The following COL9A1 variants were observed in gnomAD, a reference collection of about 807,000 sequenced individuals.
The protein encoded by COL9A1 is collagen alpha-1(IX) chain.
In COL9A1, 104 loss-of-function variants were observed where a neutral mutation model predicts 142.6. The observed-to-expected ratio is 0.73, with a 90% CI of 0.62 to 0.86. The LOEUF is 0.86. Ranked by LOEUF, COL9A1 falls within the 40% of genes least tolerant of loss-of-function variation. COL9A1 has a pLI of 0.00. For missense variants in COL9A1, 1,210 were observed against 1,176.6 expected (o/e 1.03, Z -0.42); for synonymous variants, 466 against 396.0 (o/e 1.18, Z -2.10).
chr6:70,228,895 G>A (rs1213749674), intron 36 of COL9A1, among the ~76,000 whole-genome samples: 1 of 152,040 alleles, frequency 6.6e-6, no homozygotes, highest in Non-Finnish European at 1.5e-5. Flanking sequence ...AATGGCATAA[G>A]CATTCTTGTT....
intron 26 of COL9A1, 67 bp from the exon 27 acceptor site, chr6:70,252,382 C>A (rs1770999769): frequency 7.1e-7 from 1 of 1,399,004 alleles, no homozygotes. Context: ...ATCTGCCTTA[C>A]CCAGACTGGG....
chr6:70,222,135 A>G (rs1768917096), intron 37 of COL9A1, among the ~76,000 whole-genome samples: 2 of 152,222 alleles, frequency 1.3e-5, no homozygotes, highest in South Asian at 2.1e-4. Context: ...TTGTCAGGAC[A>G]TGAATTTAAG....
chr6:70,236,257 G>A (rs1158160210), intron 33 of COL9A1, among the ~76,000 whole-genome samples: 2 of 151,400 alleles, frequency 1.3e-5, no homozygotes, highest in African/African-American at 4.9e-5. Context: ...ATACAAGTTA[G>A]ATTTTTTTTT....
At chr6:70,262,575 C>T (rs1433492774) in intron 19 of COL9A1, among the ~76,000 whole-genome samples, 1 of 152,166 alleles carries the variant, frequency 6.6e-6, no homozygotes, top group East Asian at 1.9e-4. Flanking sequence ...CAATGTTTAA[C>T]TAATATTCTT....
At chr6:70,275,424 TAAGTATATA>T (rs1772693275) in intron 10 of COL9A1, among the ~76,000 whole-genome samples, 1 of 152,092 alleles carries the variant, frequency 6.6e-6, no homozygotes, top group African/African-American at 2.4e-5. Context: ...TAGCTGTGAT[TAAGTATATA>T]TGTTCATGTA....
rs1262059948 is a variant in COL9A1 at position 70,263,112 on chromosome 6, T to C, written c.1395+132A>G. 1.1e-5 allele frequency: 7 copies of C among 651,632 alleles called. No homozygotes were observed. The African/African-American group carries it at 1.3e-4, about 12-fold the overall frequency. The allele number at this position is 651,632 out of a possible 1,614,324, so 40.4% of individuals were successfully genotyped here. A position where few individuals can be genotyped will look rare whatever the true frequency, so the allele number is the denominator to read the frequency against. ...AAGTAGTTATCCCCCAGTGCTGGCG[T>C]GGTGGAAAATAGAGGACACCAAGTT... On this transcript the variant is annotated intron_variant, in intron 19 of 37. Transcript: ENST00000357250.
intron 14 of COL9A1, among the ~76,000 whole-genome samples, chr6:70,271,220 C>A (rs1293676368): frequency 3.3e-5 from 5 of 152,164 alleles, no homozygotes; most frequent in African/African-American, 7.2e-5. Flanking sequence ...TTATATGAGA[C>A]ATTTTTTATG....
intron 7 of COL9A1, 68 bp downstream of exon 7, chr6:70,282,830 G>C: frequency 6.2e-7 from 1 of 1,611,514 alleles, no homozygotes; most frequent in Non-Finnish European, 8.5e-7. Context: ...CAGCTCCCTC[G>C]ACCGCTGCGC....
chr6:70,281,366 G>C, intron 8 of COL9A1, 24 bp downstream of exon 8: 3 of 1,610,234 alleles, frequency 1.9e-6, no homozygotes, highest in Non-Finnish European at 2.5e-6. Context: ...GGGGAACAGA[G>C]GTGGCCTGGA....
In COL9A1 at chr6:70,280,985, T is replaced by G; in HGVS notation, c.912+19A>C. On this transcript the variant is annotated intron_variant, in intron 9 of 37. Coordinates refer to ENST00000357250, the MANE Select transcript of COL9A1 (RefSeq NM_001851.6). ...TCTAAAGGAAGGAAGTGGAGCGCCATATGCTCCAATCAACTTACCGGGGGG... is the reference window on the plus strand; with the variant it reads ...TCTAAAGGAAGGAAGTGGAGCGCCAGATGCTCCAATCAACTTACCGGGGGG... The G allele has an allele frequency of 3.7e-6, 6 of 1,612,506 alleles. No homozygotes were observed. Among genetic ancestry groups the G allele is most frequent in the Non-Finnish European group, 5.1e-6 (6 of 1,178,788 alleles).
At chr6:70,268,707 A>C in intron 17 of COL9A1, 97 bp downstream of exon 17, 1 of 1,082,848 alleles carries the variant, frequency 9.2e-7, no homozygotes, top group East Asian at 2.4e-5. Context: ...CTGATCATCC[A>C]AGTGGGGTCT....
chr6:70,244,364 T>C (rs1055672840), intron 28 of COL9A1, among the ~76,000 whole-genome samples: 1 of 152,224 alleles, frequency 6.6e-6, no homozygotes, highest in African/African-American at 2.4e-5. Flanking sequence ...GCCCCTGTGA[T>C]AGATTCCTCT....
At chr6:70,274,162 G>A in intron 11 of COL9A1, 80 bp from the exon 12 acceptor site, 5 of 1,121,946 alleles carry the variant, frequency 4.5e-6, no homozygotes, top group South Asian at 1.5e-5. Flanking sequence ...AATATTGAAA[G>A]CATTAAAACA....
intron 24 of COL9A1, 144 bp from the exon 25 acceptor site, chr6:70,254,673 A>C: frequency 2.0e-6 from 1 of 505,154 alleles, no homozygotes. Context: ...GACTTAATTT[A>C]GGGTGGGGGA....
Position 70,279,158 on chromosome 6 carries a change from A to G in COL9A1, c.975+1654T>C, listed in dbSNP as rs1377247051. Among the ~76,000 whole-genome samples, 7 of 152,362 alleles carry G rather than the reference A, an allele frequency of 4.6e-5. No individual in the cohort carries two copies. The South Asian group carries it at 1.4e-3, about 32-fold the overall frequency. On this transcript the variant is annotated intron_variant, in intron 10 of 37. Coordinates refer to ENST00000357250, the MANE Select transcript of COL9A1 (RefSeq NM_001851.6). ...AGGCTGATTGAAATTTCAAAGGAAT[A>G]TAGAAATAAATTCAAGCTACATTAG...
rs904570500 is a variant in COL9A1, at chr6:70,257,338, C to T, written c.1450-517G>A. On this transcript the variant is annotated intron_variant, in intron 20 of 37. Transcript: ENST00000357250. ...CCTCCCAAAGTGCTGAGATTACAGG[C>T]GTGAGCCACTGCACCCAGCCCAGTC... Among the ~76,000 whole-genome samples, 3 of 152,264 alleles carry T rather than the reference C, an allele frequency of 2.0e-5. No individual in the cohort carries two copies. The East Asian group carries it at 5.8e-4, about 29-fold the overall frequency.
intron 36 of COL9A1, among the ~76,000 whole-genome samples, chr6:70,226,332 C>T (rs1769227926): frequency 6.6e-6 from 1 of 152,124 alleles, no homozygotes; most frequent in South Asian, 2.1e-4. Context: ...AACCCAAAAG[C>T]TAGCATTATG....
At chr6:70,230,416 A>G (rs1187790337) in intron 36 of COL9A1, among the ~76,000 whole-genome samples, 2 of 152,124 alleles carry the variant, frequency 1.3e-5, no homozygotes, top group Non-Finnish European at 2.9e-5. Flanking sequence ...GGGATGGAGG[A>G]GGGTAGGGAG....
chr6:70,237,813 T>C (rs1233951097), intron 33 of COL9A1, among the ~76,000 whole-genome samples: 1 of 152,236 alleles, frequency 6.6e-6, no homozygotes, highest in African/African-American at 2.4e-5. Context: ...TACGATGTAA[T>C]AATATTCATC....
Sources: allele counts gnomAD v4.1 joint callset (sites outside exome capture counted in the v4.1 genomes callset), GRCh38; gene constraint gnomAD v4.1.1; transcripts MANE v1.5; gene names NCBI Gene and HGNC (gene_info 2026-07-23, HGNC 2026-07-21).